Variants in RNF212 observed in about 807,000 individuals in gnomAD.
The protein encoded by RNF212 is ring finger protein 212.
Under a neutral mutation model 34.7 loss-of-function variants are expected in RNF212, and 33 were observed. The ratio of observed to expected loss-of-function variants is 0.95; its 90% CI spans 0.72 to 1.27. RNF212 has a LOEUF of 1.27. RNF212 is among the 50% of genes most tolerant of loss of function. RNF212 has a pLI of 0.00. For synonymous variants in RNF212, 140 were observed against 136.1 expected, an observed-to-expected ratio of 1.03 and a Z score of -0.20; for missense variants, 377 against 362.2, an observed-to-expected ratio of 1.04 and a Z score of -0.33.
intron 8 of RNF212, among the ~76,000 whole-genome samples, chr4:1,074,545 G>C (rs1489039868): frequency 1.3e-5 from 2 of 152,156 alleles, no homozygotes; most frequent in Non-Finnish European, 2.9e-5. Context: ...GCACAGGAGT[G>C]CCCTGCTCCA....
chr4:1,093,891 C>A, intron 3 of RNF212: 1 of 1,536,248 alleles, frequency 6.5e-7, no homozygotes, highest in Non-Finnish European at 8.7e-7. Flanking sequence ...GTTGTGCTGA[C>A]CCAGTGTTCT....
At chr4:1,093,726 T>G (rs141944410) in intron 3 of RNF212, 1 of 1,536,296 alleles carries the variant, frequency 6.5e-7, no homozygotes, top group African/African-American at 1.4e-5. Flanking sequence ...ACATGTTTTA[T>G]GAACTCAAGC....
intron 2 of RNF212, among the ~76,000 whole-genome samples, chr4:1,097,953 T>C (rs1230340515): frequency 6.6e-6 from 1 of 151,974 alleles, no homozygotes; most frequent in Non-Finnish European, 1.5e-5. Flanking sequence ...TAATCCCAGC[T>C]ACTTGGGAGG....
At chr4:1,090,026 C>T (rs116472927) in intron 4 of RNF212, among the ~76,000 whole-genome samples, 121 of 147,194 alleles carry the variant, frequency 8.2e-4, no homozygotes, top group African/African-American at 2.5e-3. Flanking sequence ...TGAGGGGTGA[C>T]GGGATGGGAT....
intron 3 of RNF212, among the ~76,000 whole-genome samples, chr4:1,062,743 G>A (rs562126223): frequency 1.3e-5 from 2 of 152,274 alleles, no homozygotes; most frequent in South Asian, 2.1e-4. Flanking sequence ...AAAAGGCATC[G>A]TGGTTGGAAA....
Position 1,073,866 on chromosome 4 carries a change from T to C in RNF212, c.511-204A>G, listed in dbSNP as rs1004730610. The C allele has an allele frequency of 2.5e-5, 14 of 570,924 alleles. No individual in the cohort carries two copies. In the Admixed American group the frequency reaches 3.9e-4, roughly 16 times the overall value. The allele number at this position is 570,924 out of a possible 1,614,324, so 35.4% of individuals were successfully genotyped here. ...TGGTAGAGGTGGTGTGGGTGGGTAT[T>C]ACCTGATTACCTGTTTGATTCCCTC... On this transcript the variant is annotated intron_variant, in intron 8 of 9. Coordinates refer to ENST00000433731, the MANE Select transcript of RNF212 (RefSeq NM_001131034.4).
At chr4:1,074,149 C>T (rs568357718) in intron 8 of RNF212, among the ~76,000 whole-genome samples, 11 of 152,312 alleles carry the variant, frequency 7.2e-5, no homozygotes, top group South Asian at 2.1e-4. Context: ...GCTTCTGCCA[C>T]CATCCCTCCT....
intron 4 of RNF212, among the ~76,000 whole-genome samples, chr4:1,086,318 C>T (rs1050695681): frequency 6.6e-6 from 1 of 152,026 alleles, no homozygotes; most frequent in Non-Finnish European, 1.5e-5. Flanking sequence ...ACAGCCTCTG[C>T]TGTCAGGCTG....
intron 8 of RNF212, among the ~76,000 whole-genome samples, chr4:1,077,486 G>T (rs550693972): frequency 5.9e-5 from 9 of 152,254 alleles, no homozygotes; most frequent in African/African-American, 2.2e-4. Context: ...ACCTGCCTTG[G>T]CCTCCCAAAG....
At chr4:1,092,352 G>A (rs1010075739) in intron 3 of RNF212, among the ~76,000 whole-genome samples, 4 of 152,198 alleles carry the variant, frequency 2.6e-5, no homozygotes, top group African/African-American at 9.6e-5. Flanking sequence ...AGCAGATGGG[G>A]TGAGTTCTAC....
At chr4:1,082,482 G>A (rs1720511245) in intron 5 of RNF212, among the ~76,000 whole-genome samples, 1 of 152,244 alleles carries the variant, frequency 6.6e-6, no homozygotes, top group South Asian at 2.1e-4. Context: ...TGGGTTTTGA[G>A]ATACGAACAG....
In RNF212 at chr4:1,113,514, C is replaced by T; in HGVS notation, c.-50G>A. 1 of 1,515,762 alleles carries T rather than the reference C, an allele frequency of 6.6e-7. No homozygotes were observed. Among genetic ancestry groups the T allele is most frequent in the Non-Finnish European group, 9.1e-7 (1 of 1,104,816 alleles). The allele number at this position is 1,515,762 out of a possible 1,614,324, so 93.9% of individuals were successfully genotyped here. A position where few individuals can be genotyped will look rare whatever the true frequency, so the allele number is the denominator to read the frequency against. The stretch of plus-strand genomic sequence containing the variant: ...AGGCCGGGCCCACGCGAAGCCCACG[C>T]AAGGTTGGGACCAGCCTCCCCGCGC... On this transcript the variant is annotated 5_prime_UTR_variant, in exon 1 of 10. Transcript: ENST00000433731.
chr4:1,068,355 CTTGA>C (rs1389975853), downstream of RNF212, among the ~76,000 whole-genome samples: 1 of 152,174 alleles, frequency 6.6e-6, no homozygotes, highest in Non-Finnish European at 1.5e-5. Context: ...CTTCTATTGT[CTTGA>C]TTGTCTTTAA....
chr4:1,076,536 G>A lies in RNF212; in HGVS notation c.511-2874C>T, dbSNP rs186831303. Among the ~76,000 whole-genome samples, 3 of 152,334 alleles carry A rather than the reference G, an allele frequency of 2.0e-5. No individual in the cohort carries two copies. In the East Asian group the frequency reaches 5.8e-4, roughly 29 times the overall value. On this transcript the variant is annotated intron_variant, in intron 8 of 9. Coordinates refer to ENST00000433731, the MANE Select transcript of RNF212 (RefSeq NM_001131034.4). The stretch of plus-strand genomic sequence containing the variant: ...CCTGCACACTGCTCTCTGCAGGCCA[G>A]AGAGTGAGACCTCAGTCTGCACAGG...
chr4:1,096,791 T>C lies in RNF212; in HGVS notation c.220A>G (p.Lys74Glu). 1 of 1,613,954 alleles carries C rather than the reference T, an allele frequency of 6.2e-7. No homozygotes were observed. Among genetic ancestry groups the C allele is most frequent in the Non-Finnish European group, 8.5e-7 (1 of 1,179,760 alleles). ...TGGGAGGTTTCCCTGGAGTACTTCT[T>C]ACACAGACTGTCTATGCTCATGAAG... is the stretch of plus-strand genomic sequence containing the variant. ...AFFMSIDSLC[K>E]KYSRETSQIL... The change falls in exon 3 of 10, where the codon AAG becomes GAG. Residue 74 changes from lysine (K) to glutamate (E), a missense_variant. Physicochemically the swap from Lys to Glu is moderately conservative, Grantham distance 56 (BLOSUM62 1). Transcript: ENST00000433731.
chr4:1,059,313 C>T (rs1355777986), intron 3 of RNF212, among the ~76,000 whole-genome samples: 1 of 152,236 alleles, frequency 6.6e-6, no homozygotes, highest in Non-Finnish European at 1.5e-5. Flanking sequence ...CCTGAGAAGG[C>T]TCCAAAGAAC....
intron 4 of RNF212, among the ~76,000 whole-genome samples, chr4:1,090,173 G>A (rs1721963534): frequency 6.7e-6 from 1 of 150,048 alleles, no homozygotes; most frequent in African/African-American, 2.5e-5. Flanking sequence ...TGAGGGGAGA[G>A]ATGGGGGTGA....
intron 8 of RNF212, among the ~76,000 whole-genome samples, chr4:1,074,418 C>T (rs906008996): frequency 6.6e-6 from 1 of 152,228 alleles, no homozygotes; most frequent in Non-Finnish European, 1.5e-5. Context: ...GCCAAGACCT[C>T]TGCTACCCAC....
At position 1,081,829 on chromosome 4, in the gene RNF212, A is replaced by G. The variant is rs1302381758; in HGVS notation, c.363-210T>C. On this transcript the variant is annotated intron_variant, in intron 5 of 9. Coordinates refer to ENST00000433731, the MANE Select transcript of RNF212 (RefSeq NM_001131034.4). ...CTAGCGCTGAAGCCAAGTGAACTCAACACCCCACTGCCATTTACATCACTG... is the reference window on the plus strand; with the variant it reads ...CTAGCGCTGAAGCCAAGTGAACTCAGCACCCCACTGCCATTTACATCACTG... 5.4e-6 allele frequency: 3 copies of G among 559,522 alleles called. No individual in the cohort carries two copies. The East Asian group carries it at 9.0e-5, about 17-fold the overall frequency. The allele number at this position is 559,522 out of a possible 1,614,324, so 34.7% of individuals were successfully genotyped here. A position where few individuals can be genotyped will look rare whatever the true frequency, so the allele number is the denominator to read the frequency against.
Sources: allele counts gnomAD v4.1 joint callset (sites outside exome capture counted in the v4.1 genomes callset), GRCh38; gene constraint gnomAD v4.1.1; transcripts MANE v1.5; gene names NCBI Gene and HGNC (gene_info 2026-07-23, HGNC 2026-07-21).